Variants in CACNA1C observed in about 807,000 individuals in gnomAD.
CACNA1C encodes the protein voltage-dependent L-type calcium channel subunit alpha-1C.
In CACNA1C, 30 loss-of-function variants were observed where a neutral mutation model predicts 229.0. The observed-to-expected ratio is 0.13, with a 90% CI of 0.10 to 0.18. CACNA1C has a LOEUF of 0.18. Ranked by LOEUF, CACNA1C falls within the 10% of genes least tolerant of loss-of-function variation. The pLI is 1.00. For synonymous variants in CACNA1C, 1,114 were observed against 1,132.5 expected (o/e 0.98, Z 0.33); for missense variants, 1,658 against 2,845.0 (o/e 0.58, Z 9.49).
intron 3 of CACNA1C, among the ~76,000 whole-genome samples, chr12:2,425,329 CACAA>C (rs2099019494): frequency 6.6e-6 from 1 of 152,136 alleles, no homozygotes; most frequent in Non-Finnish European, 1.5e-5. Context: ...GAAAAATACA[CACAA>C]AGGAAGTAGA....
At chr12:2,120,191 G>A (rs372300378) in intron 2 of CACNA1C, 134 bp from the exon 3 acceptor site, 20 of 675,854 alleles carry the variant, frequency 3.0e-5, no homozygotes, top group East Asian at 2.7e-4. Flanking sequence ...TTTCTTTTCA[G>A]AATACAAGGG....
At chr12:2,379,988 G>A (rs1448031446) in intron 3 of CACNA1C, among the ~76,000 whole-genome samples, 1 of 141,446 alleles carries the variant, frequency 7.1e-6, no homozygotes, top group African/African-American at 2.7e-5. Flanking sequence ...CCGAGATCCC[G>A]CCACTGCACT....
At chr12:2,002,961 G>A (rs2042528438) in intron 1 of CACNA1C, among the ~76,000 whole-genome samples, 1 of 152,080 alleles carries the variant, frequency 6.6e-6, no homozygotes, top group African/African-American at 2.4e-5. Context: ...AAACTAGGGG[G>A]AAATAACCTC....
chr12:2,197,277 T>G (rs79644262), intron 3 of CACNA1C, among the ~76,000 whole-genome samples: 1 of 152,332 alleles, frequency 6.6e-6, no homozygotes, highest in East Asian at 1.9e-4. Context: ...AAACTGAGAT[T>G]CCACACTTGG....
chr12:2,472,864 G>T (rs1447324674), intron 5 of CACNA1C, among the ~76,000 whole-genome samples: 1 of 152,194 alleles, frequency 6.6e-6, no homozygotes, highest in African/African-American at 2.4e-5. Flanking sequence ...CCATGAACGT[G>T]TGTAGGCTTG....
In CACNA1C at chr12:2,115,526, A is replaced by C; in HGVS notation, c.352A>C (p.Ile118Leu). The change falls in exon 2 of 47, where the codon ATC becomes CTC. Residue 118 changes from isoleucine to leucine, a missense_variant. Ile to Leu is a conservative substitution (Grantham distance 5). Around this residue, in one of 20 missense-constraint regions of CACNA1C, gnomAD observed 89 missense variants for 177.8 expected, o/e 0.50. Transcript: ENST00000399655. Reference sequence around the variant, plus strand: ...GAAGAACCCCATCCGGAGGGCCTGCATCAGCATTGTCGAATGGAAATATCC... The same window carrying C: ...GAAGAACCCCATCCGGAGGGCCTGCCTCAGCATTGTCGAATGGAAATATCC... ...TLKNPIRRAC[I>L]SIVEWKPFEI... 2 of 1,613,424 alleles carry C rather than the reference A, an allele frequency of 1.2e-6. No individual in the cohort carries two copies. Among genetic ancestry groups the C allele is most frequent in the Non-Finnish European group, 1.7e-6 (2 of 1,179,872 alleles).
intron 4 of CACNA1C, among the ~76,000 whole-genome samples, chr12:2,450,553 CAAAAAAAAA>C (rs796416420): frequency 2.3e-4 from 9 of 39,020 alleles, no homozygotes; most frequent in Admixed American, 9.1e-4. Context: ...GACTCCATCT[CAAAAAAAAA>C]AAAAAAAAAA....
intron 7 of CACNA1C, among the ~76,000 whole-genome samples, chr12:2,502,433 T>C (rs924123443): frequency 1.3e-5 from 2 of 152,210 alleles, no homozygotes; most frequent in African/African-American, 4.8e-5. Flanking sequence ...ATGATACAGT[T>C]ACCAAGTGAG....
At chr12:2,615,600 A>AC (rs11369290) in intron 29 of CACNA1C, among the ~76,000 whole-genome samples, 121,502 of 152,132 alleles carry the variant, frequency 0.8, 51,441 homozygotes, top group East Asian at 0.98. Context: ...AGGGAGCCAC[A>AC]CGTAAATCCT....
chr12:2,593,065 A>C (rs896480219), intron 18 of CACNA1C, 148 bp from the exon 19 acceptor site: 14 of 814,886 alleles, frequency 1.7e-5, no homozygotes, highest in Non-Finnish European at 5.6e-6. Context: ...CTGCAGCAGC[A>C]CCCACAGGGA....
intron 3 of CACNA1C, among the ~76,000 whole-genome samples, chr12:2,169,693 C>T (rs1190998009): frequency 1.3e-5 from 2 of 152,170 alleles, no homozygotes; most frequent in African/African-American, 4.8e-5. Context: ...TTTGTTGGTT[C>T]TGGTGGAATC....
At chr12:1,990,443 T>C (rs143914813) in intron 1 of CACNA1C, among the ~76,000 whole-genome samples, 91 of 151,940 alleles carry the variant, frequency 6.0e-4, no homozygotes, top group African/African-American at 1.7e-3. Context: ...AGTTACTCTA[T>C]TTATCAAGCA....
In CACNA1C at chr12:2,319,354, T is replaced by C. The variant is rs1299483090; in HGVS notation, c.478-129622T>C. Among the ~76,000 whole-genome samples the C allele has an allele frequency of 1.3e-5, 2 of 152,002 alleles. No homozygotes were observed. Among genetic ancestry groups the C allele is most frequent in the Admixed American group, 6.6e-5 (1 of 15,260 alleles). On this transcript the variant is annotated intron_variant, in intron 3 of 46. Coordinates refer to ENST00000399655, the MANE Select transcript of CACNA1C (RefSeq NM_000719.7). This position sits in a 1 kb window ranked among gnomAD's most constrained non-coding sequence, Gnocchi z 4.0. Reference sequence around the variant, plus strand: ...TGGTGGGCAACATACATGGGGGCAGTGTGCTTGGTAGGCAGCGTACCTGAT... The same window carrying C: ...TGGTGGGCAACATACATGGGGGCAGCGTGCTTGGTAGGCAGCGTACCTGAT...
intron 3 of CACNA1C, chr12:2,220,890 A>C (rs1168467763): frequency 6.7e-6 from 1 of 149,280 alleles, no homozygotes; most frequent in Non-Finnish European, 1.5e-5. Context: ...AGAGAGAGAA[A>C]ATTTAAGATG....
chr12:2,553,231 G>A (rs1490520698), intron 10 of CACNA1C, among the ~76,000 whole-genome samples: 2 of 152,342 alleles, frequency 1.3e-5, no homozygotes, highest in South Asian at 4.1e-4. Context: ...CAGAGGCTGG[G>A]GTGGGGGGCG....
intron 3 of CACNA1C, among the ~76,000 whole-genome samples, chr12:2,260,043 C>T (rs1408776488): frequency 6.6e-6 from 1 of 152,212 alleles, no homozygotes; most frequent in Non-Finnish European, 1.5e-5. Context: ...GCAGGAGAAA[C>T]CAGCTTGCCT....
At chr12:2,316,168 C>G (rs1411435660) in intron 3 of CACNA1C, among the ~76,000 whole-genome samples, 2 of 152,222 alleles carry the variant, frequency 1.3e-5, no homozygotes, top group African/African-American at 4.8e-5. Flanking sequence ...CAATGTGGGG[C>G]AGGCCCCCAA....
intron 3 of CACNA1C, among the ~76,000 whole-genome samples, chr12:2,151,875 C>T (rs564612587): frequency 6.6e-6 from 1 of 152,318 alleles, no homozygotes; most frequent in African/African-American, 2.4e-5. Context: ...ATTTCAATAG[C>T]TTAATGCTTG....
chr12:2,512,735 C>T lies in CACNA1C; in HGVS notation c.1218-77C>T. The T allele has an allele frequency of 8.9e-7, 1 of 1,118,202 alleles. No homozygotes were observed. The highest frequency in any genetic ancestry group is 1.6e-5 in the African/African-American group (1 of 63,550). The allele number at this position is 1,118,202 out of a possible 1,614,324, so 69.3% of individuals were successfully genotyped here. A position where few individuals can be genotyped will look rare whatever the true frequency, so the allele number is the denominator to read the frequency against. On this transcript the variant is annotated intron_variant, in intron 8 of 46. Transcript: ENST00000399655. The surrounding 1 kb of genome is among the most constrained non-coding windows in gnomAD (Gnocchi z 4.3). ...TTGTTTCTCCTTATCTCCATCTCTCCTTCCATCCTCGACCCTTCTCGGTGC... is the reference window on the plus strand; with the variant it reads ...TTGTTTCTCCTTATCTCCATCTCTCTTTCCATCCTCGACCCTTCTCGGTGC...
Sources: gnomAD v4.1 joint callset for allele counts (sites outside exome capture counted in the v4.1 genomes callset) on GRCh38, gnomAD v4.1.1 for gene constraint, gnomAD v4.1.1 regional missense constraint, Gnocchi (gnomAD v3.1) non-coding constraint, MANE v1.5 for transcripts, NCBI Gene and HGNC (gene_info 2026-07-23, HGNC 2026-07-21) for gene names.